Variants in RIPK3 observed in about 807,000 individuals in gnomAD.
The protein encoded by RIPK3 is receptor-interacting serine/threonine-protein kinase 3.
RIPK3 carries 51 observed loss-of-function variants against 51.6 expected under a neutral mutation model. The ratio of observed to expected loss-of-function variants is 0.99; its 90% CI spans 0.79 to 1.25. RIPK3 has a LOEUF of 1.25. Ranked by LOEUF, RIPK3 falls within the 50% of genes most tolerant of loss-of-function variation. The pLI, the probability that RIPK3 is intolerant of heterozygous loss-of-function variation, is 0.00. For synonymous variants in RIPK3, 246 were observed against 257.7 expected (o/e 0.95, Z 0.44); for missense variants, 654 against 650.4 (o/e 1.01, Z -0.06).
rs1386385682 is a variant in RIPK3, at chr14:24,336,029, A to T, written c.*146T>A. The stretch of plus-strand genomic sequence containing the variant: ...CCTGGCTGAGCTCAGACTGACTAGC[A>T]TTCCATCATGTTTATTGACTCCTGG... On this transcript the variant is annotated 3_prime_UTR_variant, in exon 10 of 10. Coordinates refer to ENST00000216274, the MANE Select transcript of RIPK3 (RefSeq NM_006871.4). 50 of 766,594 alleles carry T rather than the reference A, an allele frequency of 6.5e-5. 1 individual carries two copies. The East Asian group carries it at 1.4e-3, about 22-fold the overall frequency. The allele number at this position is 766,594 out of a possible 1,614,324, so 47.5% of individuals were successfully genotyped here.
rs1363236967 is a variant in RIPK3, at chr14:24,337,093, C to T, written c.1268G>A (p.Gly423Glu). 6.2e-7 allele frequency: 1 copy of T among 1,611,916 alleles called. No homozygotes were observed. Among genetic ancestry groups the T allele is most frequent in the Non-Finnish European group, 8.5e-7 (1 of 1,179,926 alleles). ...ATCCTGTCAATGTCTCACCTGATTC[C>T]CTCGGGGTCCAGGACTTGGTGTTCC... is the stretch of plus-strand genomic sequence containing the variant. ...STGTPSPGPR[G>E]NQGAERQGMN... The change falls in exon 8 of 10, where the codon GGG becomes GAG. Residue 423 changes from glycine (G) to glutamate (E), a missense_variant. Gly to Glu is a moderately conservative substitution (Grantham distance 98, BLOSUM62 -2). Transcript: ENST00000216274.
chr14:24,338,657 C>T, intron 3 of RIPK3, 90 bp from the exon 4 acceptor site: 6 of 1,503,648 alleles, frequency 4.0e-6, no homozygotes, highest in Non-Finnish European at 5.4e-6. Context: ...GGTGCAGGTT[C>T]AGCTTTGTAA....
chr14:24,336,906 G>A lies in RIPK3; in HGVS notation c.1315C>T (p.Pro439Ser), dbSNP rs376263456. Residue 439 changes from proline to serine, a missense_variant, in exon 9 of 10, where the codon CCG becomes TCG. Pro to Ser is a moderately conservative substitution (Grantham distance 74). Coordinates refer to ENST00000216274, the MANE Select transcript of RIPK3 (RefSeq NM_006871.4). ...GTACCTGTTACTGGATTTGGCTCCGGGGTCCTGCAGGACCAGTTCATGCCT... is the reference window on the plus strand; with the variant it reads ...GTACCTGTTACTGGATTTGGCTCCGAGGTCCTGCAGGACCAGTTCATGCCT... ...RQGMNWSCRTPEPNPVTGRPL... is the reference protein window; with the variant it reads ...RQGMNWSCRTSEPNPVTGRPL... 3 of 1,614,010 alleles carry A rather than the reference G, an allele frequency of 1.9e-6. No individual in the cohort carries two copies. Among genetic ancestry groups the A allele is most frequent in the South Asian group, 2.2e-5 (2 of 91,070 alleles).
At chr14:24,338,141 A>G (rs1344884476) in intron 5 of RIPK3, 101 bp from the exon 6 acceptor site, 1 of 1,579,090 alleles carries the variant, frequency 6.3e-7, no homozygotes, top group African/African-American at 1.3e-5. Context: ...TGGGGGCACG[A>G]GGAGGGAGGA....
chr14:24,336,029 A>C lies in RIPK3; in HGVS notation c.*146T>G. 2.6e-6 allele frequency: 2 copies of C among 766,710 alleles called. No individual in the cohort carries two copies. The highest frequency in any genetic ancestry group is 2.8e-5 in the East Asian group (1 of 35,288). The allele number at this position is 766,710 out of a possible 1,614,324, so 47.5% of individuals were successfully genotyped here. A position where few individuals can be genotyped will look rare whatever the true frequency, so the allele number is the denominator to read the frequency against. ...CCTGGCTGAGCTCAGACTGACTAGC[A>C]TTCCATCATGTTTATTGACTCCTGG... On this transcript the variant is annotated 3_prime_UTR_variant, in exon 10 of 10. Transcript: ENST00000216274.
At chr14:24,338,363 C>T in intron 4 of RIPK3, 59 bp downstream of exon 4, 1 of 1,567,098 alleles carries the variant, frequency 6.4e-7, no homozygotes, top group South Asian at 1.2e-5. Flanking sequence ...ACATCATCCC[C>T]TGGGAGGGCC....
chr14:24,338,723 T>A, intron 3 of RIPK3, 156 bp from the exon 4 acceptor site: 1 of 1,065,802 alleles, frequency 9.4e-7, no homozygotes, highest in Non-Finnish European at 1.3e-6. Context: ...CTAGGTGCCT[T>A]GTGGTAGGGC....
Position 24,337,259 on chromosome 14 carries a change from G to T in RIPK3, c.1102C>A (p.Leu368Ile). 1.2e-6 allele frequency: 2 copies of T among 1,614,098 alleles called. No homozygotes were observed. Among genetic ancestry groups the T allele is most frequent in the Non-Finnish European group, 1.7e-6 (2 of 1,180,028 alleles). ...PSSVPKKCPS[L>I]TKRSRAQEEQ... ...TCTTGTGCCCTGCTCCTCTTGGTAA[G>T]GCTCGGGCATTTTTTAGGAACAGAG... The change falls in exon 8 of 10, where the codon CTT (leucine) becomes ATT (isoleucine). Residue 368 changes from leucine (L) to isoleucine (I), a missense_variant. By Grantham distance (5) the Leu-to-Ile change is conservative (BLOSUM62 2). Coordinates refer to ENST00000216274, the MANE Select transcript of RIPK3 (RefSeq NM_006871.4).
rs370199297 is a variant in RIPK3, at chr14:24,339,009, G to C, written c.471+6C>G. ...TTGAGGCTGAGAGGGGTGTAGACCAGCTGACCTTGACGTGCAGCTCTGGGT... is the reference window on the plus strand; with the variant it reads ...TTGAGGCTGAGAGGGGTGTAGACCACCTGACCTTGACGTGCAGCTCTGGGT... On this transcript the variant is annotated splice_donor_region_variant and intron_variant, in intron 3 of 9. Transcript: ENST00000216274. This position sits in a 1 kb window ranked among gnomAD's most constrained non-coding sequence, Gnocchi z 4.0. 6.8e-5 allele frequency: 110 copies of C among 1,611,124 alleles called. No homozygotes were observed. The African/African-American group carries it at 1.3e-3, about 19-fold the overall frequency.
In RIPK3 at chr14:24,336,356, T is replaced by C. The variant is rs1327811725; in HGVS notation, c.1376A>G (p.Gln459Arg). ...AGTCAAGTAGTTGTTGTCTCCAACT[T>C]GCACCCCAGAGCAGTTGTATATGTT... ...LVNIYNCSGVQVGDNNYLTMQ... is the reference protein window; with the variant it reads ...LVNIYNCSGVRVGDNNYLTMQ... The change falls in exon 10 of 10, where the codon CAA becomes CGA. Residue 459 changes from glutamine to arginine, a missense_variant. Gln to Arg is a conservative substitution (Grantham distance 43). Transcript: ENST00000216274. 2 of 1,613,736 alleles carry C rather than the reference T, an allele frequency of 1.2e-6. No individual in the cohort carries two copies. The highest frequency in any genetic ancestry group is 2.7e-5 in the African/African-American group (2 of 74,940).
chr14:24,337,190 A>T lies in RIPK3; in HGVS notation c.1171T>A (p.Ser391Thr), dbSNP rs1441203996. ...GGAGTCTGGGGAGGTTGGGCCATCG[A>T]ATCTGAAGATGTGCCTGCTGTCCAG... ...QAWTAGTSSD[S>T]MAQPPQTPET... The change falls in exon 8 of 10, where the codon TCG becomes ACG. Residue 391 changes from serine to threonine, a missense_variant. Physicochemically the swap from Ser to Thr is moderately conservative, Grantham distance 58. Transcript: ENST00000216274. 1 of 1,613,486 alleles carries T rather than the reference A, an allele frequency of 6.2e-7. No homozygotes were observed. Among genetic ancestry groups the T allele is most frequent in the African/African-American group, 1.3e-5 (1 of 75,042 alleles).
In RIPK3 at chr14:24,337,343, G is replaced by A. The variant is rs773716485; in HGVS notation, c.1018C>T (p.Arg340Cys). ...FRRTIENQHS[R>C]NDVMVSEWLN... The stretch of plus-strand genomic sequence containing the variant: ...CACTCAGAAACCATGACATCATTAC[G>A]AGAGTGCTGGTTTTCTATGGTTCTC... The change falls in exon 8 of 10, where the codon CGT (arginine) becomes TGT (cysteine). Residue 340 changes from arginine to cysteine, a missense_variant. By Grantham distance (180) the Arg-to-Cys change is radical. Coordinates refer to ENST00000216274, the MANE Select transcript of RIPK3 (RefSeq NM_006871.4). The A allele has an allele frequency of 6.2e-6, 10 of 1,613,886 alleles. No individual in the cohort carries two copies. Among genetic ancestry groups the A allele is most frequent in the Non-Finnish European group, 8.5e-6 (10 of 1,180,034 alleles).
intron 9 of RIPK3, 133 bp downstream of exon 9, chr14:24,336,752 T>C (rs765873342): frequency 7.7e-6 from 7 of 911,044 alleles, no homozygotes; most frequent in Middle Eastern, 2.1e-4. Context: ...TTCCCATTTA[T>C]GAAATGAGAA....
At position 24,339,249 on chromosome 14, in the gene RIPK3, G is replaced by C. The variant is rs764335328; in HGVS notation, c.237C>G (p.Ile79Met). ...NEFVLRLEGV[I>M]EKVNWDQDPK... ...GATCTTGGTCCCAGTTCACCTTCTCGATAACCCCTTCTAGGCGCAGCACGA... is the reference window on the plus strand; with the variant it reads ...GATCTTGGTCCCAGTTCACCTTCTCCATAACCCCTTCTAGGCGCAGCACGA... The change falls in exon 3 of 10, where the codon ATC (isoleucine) becomes ATG (methionine). Residue 79 changes from isoleucine to methionine, a missense_variant. Transcript: ENST00000216274. The surrounding 1 kb of genome is among the most constrained non-coding windows in gnomAD (Gnocchi z 4.0). 2.5e-6 allele frequency: 4 copies of C among 1,614,192 alleles called. No homozygotes were observed. The highest frequency in any genetic ancestry group is 4.5e-5 in the East Asian group (2 of 44,878).
chr14:24,337,103 C>T lies in RIPK3; in HGVS notation c.1258G>A (p.Gly420Arg), dbSNP rs1239760965. 1 of 1,611,426 alleles carries T rather than the reference C, an allele frequency of 6.2e-7. No homozygotes were observed. Among genetic ancestry groups the T allele is most frequent in the African/African-American group, 1.3e-5 (1 of 75,036 alleles). The change falls in exon 8 of 10, where the codon GGA (glycine) becomes AGA (arginine). Residue 420 changes from glycine (G) to arginine (R), a missense_variant. Gly to Arg is a moderately radical substitution (Grantham distance 125, BLOSUM62 -2). Transcript: ENST00000216274. ...TGTCTCACCTGATTCCCTCGGGGTC[C>T]AGGACTTGGTGTTCCAGTTGAGGTA... ...SPTSTGTPSP[G>R]PRGNQGAERQ...
chr14:24,337,089 A>C lies in RIPK3; in HGVS notation c.1272T>G (p.Asn424Lys), dbSNP rs1384472329. 2 of 1,612,078 alleles carry C rather than the reference A, an allele frequency of 1.2e-6. No individual in the cohort carries two copies. The highest frequency in any genetic ancestry group is 1.7e-6 in the Non-Finnish European group (2 of 1,179,926). The change falls in exon 8 of 10, where the codon AAT becomes AAG. Residue 424 changes from asparagine (N) to lysine (K), a missense_variant. Physicochemically the swap from Asn to Lys is moderately conservative, Grantham distance 94. Transcript: ENST00000216274. ...CCTAATCCTGTCAATGTCTCACCTG[A>C]TTCCCTCGGGGTCCAGGACTTGGTG... The part of the protein sequence containing the change: ...TGTPSPGPRG[N>K]QGAERQGMNW...
intron 8 of RIPK3, 29 bp from the exon 9 acceptor site, chr14:24,336,974 G>C: frequency 6.2e-7 from 1 of 1,610,814 alleles, no homozygotes; most frequent in Non-Finnish European, 8.5e-7. Context: ...ATCCAGTTCT[G>C]CCCTGGAGCC....
chr14:24,336,519 C>A (rs1474476576), intron 9 of RIPK3, 124 bp from the exon 10 acceptor site: 10 of 1,311,064 alleles, frequency 7.6e-6, no homozygotes, highest in African/African-American at 1.5e-5. Flanking sequence ...CTGTGCTCCT[C>A]CCCTCAGAGC....
chr14:24,337,843 A>G (rs746888867), intron 6 of RIPK3, 30 bp downstream of exon 6: 1 of 1,613,362 alleles, frequency 6.2e-7, no homozygotes, highest in South Asian at 1.1e-5. Context: ...ACCCAAGCTT[A>G]TCCTAGATCC....
Sources: gnomAD v4.1 joint callset for allele counts on GRCh38, gnomAD v4.1.1 for gene constraint, Gnocchi (gnomAD v3.1) non-coding constraint, MANE v1.5 for transcripts, NCBI Gene and HGNC (gene_info 2026-07-23, HGNC 2026-07-21) for gene names.